FAT3: variants seen among roughly 807,000 people sequenced by gnomAD.
The protein encoded by FAT3 is protocadherin Fat 3.
In FAT3, 95 loss-of-function variants were observed where a neutral mutation model predicts 310.2. The observed-to-expected ratio is 0.31, with a 90% CI of 0.26 to 0.36. The LOEUF (loss-of-function observed/expected upper bound fraction) is 0.36. Among genes scored for constraint, FAT3 ranks in the 10% least tolerant of loss-of-function variants. The pLI is 1.00. For synonymous variants in FAT3, 2,314 were observed against 2,192.9 expected (o/e 1.06, Z -1.54); for missense variants, 5,408 against 5,715.6 (o/e 0.95, Z 1.74).
intron 4 of FAT3, among the ~76,000 whole-genome samples, chr11:92,712,442 G>T (rs965151017): frequency 8.5e-5 from 13 of 152,136 alleles, no homozygotes; most frequent in Non-Finnish European, 1.3e-4. Context: ...ATCCCTTTTT[G>T]AGAGTAAAAA....
chr11:92,890,536 C>G lies in FAT3; in HGVS notation c.13193C>G (p.Ser4398Trp), dbSNP rs766267432. Residue 4398 changes from serine to tryptophan, a missense_variant, in exon 28 of 28, where the codon TCG (serine) becomes TGG (tryptophan). By Grantham distance (177) the Ser-to-Trp change is radical. Coordinates refer to ENST00000525166, the MANE Select transcript of FAT3 (RefSeq NM_001367949.2). Reference protein sequence around the residue: ...TSDWMPGARLSDIEEVPNYEN... With the variant: ...TSDWMPGARLWDIEEVPNYEN... The stretch of plus-strand genomic sequence containing the variant: ...GATTGGATGCCAGGGGCCCGCCTGT[C>G]GGACATAGAGGAAGTGCCCAACTAT... The G allele has an allele frequency of 6.2e-7, 1 of 1,613,664 alleles. No homozygotes were observed. Among genetic ancestry groups the G allele is most frequent in the Non-Finnish European group, 8.5e-7 (1 of 1,179,776 alleles).
intron 1 of FAT3, among the ~76,000 whole-genome samples, chr11:92,293,540 ATATATATATATAAAT>A (rs1946763196): frequency 2.3e-5 from 1 of 43,900 alleles, no homozygotes; most frequent in African/African-American, 9.9e-5. Context: ...ATATATATAT[ATATATATATATAAAT>A]AAAATATATT....
intron 4 of FAT3, among the ~76,000 whole-genome samples, chr11:92,710,880 A>T (rs1439101497): frequency 6.6e-6 from 1 of 152,228 alleles, no homozygotes; most frequent in Non-Finnish European, 1.5e-5. Context: ...GTACACACCT[A>T]GGTGAAAGGG....
Position 92,894,004 on chromosome 11 carries a change from C to G in FAT3, c.*2891C>G, listed in dbSNP as rs1313695757. Reference sequence around the variant, plus strand: ...TTAACAAGGAGTAGAACCCATCCATCTAGCCAATATTCTTTTTACATCATA... The same window carrying G: ...TTAACAAGGAGTAGAACCCATCCATGTAGCCAATATTCTTTTTACATCATA... On this transcript the variant is annotated 3_prime_UTR_variant, in exon 28 of 28. Coordinates refer to ENST00000525166, the MANE Select transcript of FAT3 (RefSeq NM_001367949.2). 1.3e-5 allele frequency: 2 copies of G among 152,230 alleles called. No homozygotes were observed. Among genetic ancestry groups the G allele is most frequent in the East Asian group, 1.9e-4 (1 of 5,190 alleles). The allele number at this position is 152,230 out of a possible 1,614,324, so 9.4% of individuals were successfully genotyped here.
chr11:92,355,981 T>C (rs189561197), intron 2 of FAT3, among the ~76,000 whole-genome samples: 1 of 152,192 alleles, frequency 6.6e-6, no homozygotes, highest in East Asian at 1.9e-4. Flanking sequence ...ATGGAATAAA[T>C]GAGTCTTGCT....
chr11:92,356,691 A>G (rs11019919), intron 2 of FAT3, among the ~76,000 whole-genome samples: 47 of 152,270 alleles, frequency 3.1e-4, no homozygotes, highest in Admixed American at 7.8e-4. Flanking sequence ...CTCTATCTCT[A>G]TATAGCATCA....
intron 19 of FAT3, 135 bp downstream of exon 19, chr11:92,844,867 C>T: frequency 9.1e-7 from 1 of 1,095,102 alleles, no homozygotes; most frequent in Non-Finnish European, 1.3e-6. Context: ...GCCCAAAAGC[C>T]ATGATAGATG....
chr11:92,285,618 T>C (rs1946542909), intron 1 of FAT3, among the ~76,000 whole-genome samples: 1 of 152,184 alleles, frequency 6.6e-6, no homozygotes, highest in African/African-American at 2.4e-5. Flanking sequence ...TAGGTCTCTG[T>C]TTCTATGAAA....
At chr11:92,761,228 G>T (rs1263034797) in intron 4 of FAT3, among the ~76,000 whole-genome samples, 1 of 152,144 alleles carries the variant, frequency 6.6e-6, no homozygotes, top group Non-Finnish European at 1.5e-5. Flanking sequence ...GTGATAGCTT[G>T]TTCCTCCTAG....
At chr11:92,527,635 G>A (rs972225515) in intron 3 of FAT3, among the ~76,000 whole-genome samples, 1 of 152,208 alleles carries the variant, frequency 6.6e-6, no homozygotes, top group African/African-American at 2.4e-5. Flanking sequence ...TGAAATTCTT[G>A]TTAATGGTGT....
intron 3 of FAT3, among the ~76,000 whole-genome samples, chr11:92,648,210 G>C (rs1203926514): frequency 6.6e-6 from 1 of 152,192 alleles, no homozygotes; most frequent in Non-Finnish European, 1.5e-5. Context: ...CAGATGAATT[G>C]CATTGCCATG....
intron 1 of FAT3, among the ~76,000 whole-genome samples, chr11:92,312,634 C>A (rs72970515): frequency 1.3e-5 from 2 of 152,242 alleles, no homozygotes; most frequent in South Asian, 4.1e-4. Flanking sequence ...GAGAACCCAG[C>A]AAATTGAAAA....
chr11:92,582,672 T>A (rs962133212), intron 3 of FAT3, among the ~76,000 whole-genome samples: 12 of 152,168 alleles, frequency 7.9e-5, no homozygotes, highest in Admixed American at 2.6e-4. Flanking sequence ...GCATTATTCC[T>A]GGCTTGGTGA....
intron 3 of FAT3, among the ~76,000 whole-genome samples, chr11:92,661,096 A>C: frequency 6.6e-6 from 1 of 152,336 alleles, no homozygotes; most frequent in East Asian, 1.9e-4. Context: ...TAAGCAAAAT[A>C]AATGTATTTG....
chr11:92,722,851 G>A (rs1944902668), intron 4 of FAT3, among the ~76,000 whole-genome samples: 1 of 152,162 alleles, frequency 6.6e-6, no homozygotes, highest in South Asian at 2.1e-4. Context: ...CCATGGCTAG[G>A]GTGGCTAGGA....
chr11:92,407,269 T>C (rs1950155244), intron 2 of FAT3, among the ~76,000 whole-genome samples: 1 of 152,110 alleles, frequency 6.6e-6, no homozygotes, highest in African/African-American at 2.4e-5. Flanking sequence ...TTTTTTTTAT[T>C]CCCCATTGTG....
chr11:92,510,032 C>G (rs1383255835), intron 2 of FAT3, among the ~76,000 whole-genome samples: 1 of 152,072 alleles, frequency 6.6e-6, no homozygotes, highest in East Asian at 1.9e-4. Context: ...ATCTATGTAT[C>G]TATCTCTGAA....
chr11:92,569,395 G>GC (rs1955591271), intron 3 of FAT3, among the ~76,000 whole-genome samples: 1 of 152,176 alleles, frequency 6.6e-6, no homozygotes, highest in South Asian at 2.1e-4. Flanking sequence ...ACATAAGTAT[G>GC]CCTAGCCTTC....
chr11:92,317,626 T>G (rs1354715335), intron 1 of FAT3, among the ~76,000 whole-genome samples: 1 of 152,230 alleles, frequency 6.6e-6, no homozygotes, highest in Non-Finnish European at 1.5e-5. Context: ...AGTAAGTGTA[T>G]GCCGGAGACT....
Sources: allele counts gnomAD v4.1 joint callset (sites outside exome capture counted in the v4.1 genomes callset), GRCh38; gene constraint gnomAD v4.1.1; transcripts MANE v1.5; gene names NCBI Gene and HGNC (gene_info 2026-07-23, HGNC 2026-07-21).